CARMIL2: variants seen among roughly 807,000 people sequenced by gnomAD.
CARMIL2 encodes the protein capping protein regulator and myosin 1 linker 2.
CARMIL2 carries 96 observed loss-of-function variants against 173.3 expected under a neutral mutation model. That is an observed-to-expected ratio of 0.55 (90% confidence interval 0.47 to 0.66). The LOEUF (loss-of-function observed/expected upper bound fraction) is 0.66. Ranked by LOEUF, CARMIL2 falls within the 30% of genes least tolerant of loss-of-function variation. CARMIL2 has a pLI of 0.00. For synonymous variants in CARMIL2, 830 were observed against 817.1 expected, an observed-to-expected ratio of 1.02 and a Z score of -0.27; for missense variants, 1,771 against 1,906.7, an observed-to-expected ratio of 0.93 and a Z score of 1.33.
In CARMIL2 at chr16:67,649,136, A is replaced by G; in HGVS notation, c.1652A>G (p.His551Arg). 6.2e-7 allele frequency: 1 copy of G among 1,613,600 alleles called. No individual in the cohort carries two copies. Among genetic ancestry groups the G allele is most frequent in the Non-Finnish European group, 8.5e-7 (1 of 1,179,800 alleles). Residue 551 changes from histidine (H) to arginine (R), a missense_variant, in exon 18 of 38, where the codon CAT becomes CGT. This residue lies in a region of CARMIL2 where 944 missense variants were observed against 975.6 expected (regional missense o/e 0.97). Coordinates refer to ENST00000334583, the MANE Select transcript of CARMIL2 (RefSeq NM_001013838.3). The surrounding 1 kb of genome is among the most constrained non-coding windows in gnomAD (Gnocchi z 6.7). ...ATCGGGAGAAGCCGGTCCCTGAGAC[A>G]TGTGGCGCTTGGAAGGAACTTCAAC... Reference protein sequence around the residue: ...LAIGRSRSLRHVALGRNFNVR... With the variant: ...LAIGRSRSLRRVALGRNFNVR...
rs2142961590 is a variant in CARMIL2 at position 67,657,107 on chromosome 16, G to A, written c.4118-132G>A. 1 of 881,030 alleles carries A rather than the reference G, an allele frequency of 1.1e-6. No individual in the cohort carries two copies. Among genetic ancestry groups the A allele is most frequent in the Non-Finnish European group, 1.8e-6 (1 of 556,818 alleles). The allele number at this position is 881,030 out of a possible 1,614,324, so 54.6% of individuals were successfully genotyped here. ...CCTCTGCCAGGGGTGAGGACGCAGG[G>A]ACGGGGGATGCTCTGAAGGCAGCAG... is the stretch of plus-strand genomic sequence containing the variant. On this transcript the variant is annotated intron_variant, in intron 36 of 37. Transcript: ENST00000334583. This position sits in a 1 kb window ranked among gnomAD's most constrained non-coding sequence, Gnocchi z 4.5.
intron 35 of CARMIL2, 65 bp from the exon 36 acceptor site, chr16:67,656,736 G>A: frequency 6.4e-7 from 1 of 1,560,992 alleles, no homozygotes; most frequent in Admixed American, 1.9e-5. Context: ...GACCCTGAGG[G>A]TGGGAGGCAA....
Position 67,645,471 on chromosome 16 carries a change from GCA to G in CARMIL2, c.41-66_41-65del. 2.7e-6 allele frequency: 4 copies of G among 1,455,776 alleles called. No individual in the cohort carries two copies. The South Asian group carries it at 4.8e-5, about 18-fold the overall frequency. 90.2% of individuals were successfully genotyped at this position (1,455,776 alleles called of 1,614,324 possible). On this transcript the variant is annotated intron_variant, in intron 1 of 37. Transcript: ENST00000334583. The stretch of plus-strand genomic sequence containing the variant: ...AGATAAGCCCCAGGGCCCCAGCCTG[GCA>G]CAGACTGTGGGCACCAGTGGCTTCT...
Position 67,657,146 on chromosome 16 carries a change from A to G in CARMIL2, c.4118-93A>G. ...TGAAGGCAGCAGTGTGTGTGAGTGC[A>G]TGCTTATGTGCACTGGAGGTGGAAG... On this transcript the variant is annotated intron_variant, in intron 36 of 37. Coordinates refer to ENST00000334583, the MANE Select transcript of CARMIL2 (RefSeq NM_001013838.3). The surrounding 1 kb of genome is among the most constrained non-coding windows in gnomAD (Gnocchi z 4.5). 2.6e-6 allele frequency: 3 copies of G among 1,141,458 alleles called. No individual in the cohort carries two copies. Among genetic ancestry groups the G allele is most frequent in the East Asian group, 2.6e-5 (1 of 39,048 alleles). The allele number at this position is 1,141,458 out of a possible 1,614,324, so 70.7% of individuals were successfully genotyped here.
chr16:67,656,280 C>G lies in CARMIL2; in HGVS notation c.3795C>G (p.Arg1265=), dbSNP rs1261009333. Residue 1265 remains arginine, a synonymous_variant, in exon 34 of 38, where the codon CGC becomes CGG. Coordinates refer to ENST00000334583, the MANE Select transcript of CARMIL2 (RefSeq NM_001013838.3). ...CCCCTCCCATCTCGATCAAGTCCCGCACCCACTCTGTGTCTGCTGGTGAGT... is the reference window on the plus strand; with the variant it reads ...CCCCTCCCATCTCGATCAAGTCCCGGACCCACTCTGTGTCTGCTGGTGAGT... ...TEAPPISIKS[R]THSVSADPSC... 1.2e-6 allele frequency: 2 copies of G among 1,613,898 alleles called. No individual in the cohort carries two copies. The highest frequency in any genetic ancestry group is 1.7e-6 in the Non-Finnish European group (2 of 1,179,900).
In CARMIL2 at chr16:67,646,070, C is replaced by CA; in HGVS notation, c.240dup (p.Pro81ThrfsTer7). On this transcript the variant is annotated frameshift_variant, in exon 4 of 38. Transcript: ENST00000334583. LOFTEE classifies it high-confidence loss of function. This position sits in a 1 kb window ranked among gnomAD's most constrained non-coding sequence, Gnocchi z 4.6. ...GTCCAGGCCATGGCGCTGCAGGAGA[C>CA]ACCCCCTCAGGTGAGACACCTAGTA... 6.2e-7 allele frequency: 1 copy of CA among 1,613,792 alleles called. No individual in the cohort carries two copies. Among genetic ancestry groups the CA allele is most frequent in the Non-Finnish European group, 8.5e-7 (1 of 1,179,892 alleles).
chr16:67,655,991 A>G, intron 32 of CARMIL2, 40 bp from the exon 33 acceptor site: 3 of 1,562,450 alleles, frequency 1.9e-6, no homozygotes, highest in Non-Finnish European at 2.6e-6. Flanking sequence ...GGGTGTGGGG[A>G]GCGGGCAGGG....
At position 67,653,144 on chromosome 16, in the gene CARMIL2, C is replaced by G; in HGVS notation, c.3010C>G (p.Leu1004Val). Residue 1004 changes from leucine to valine, a missense_variant, in exon 29 of 38, where the codon CTG (leucine) becomes GTG (valine). Transcript: ENST00000334583. This position sits in a 1 kb window ranked among gnomAD's most constrained non-coding sequence, Gnocchi z 7.4. ...PAAPGPPAGP[L>V]PRMDLPLAGQ... ...CGCCCCTGGGCCCCCGGCCGGCCCG[C>G]TGCCCCGCATGGACCTGCCACTGGC... The G allele has an allele frequency of 9.0e-7, 1 of 1,117,288 alleles. No individual in the cohort carries two copies. The highest frequency in any genetic ancestry group is 1.1e-6 in the Non-Finnish European group (1 of 915,168). 69.2% of individuals were successfully genotyped at this position (1,117,288 alleles called of 1,614,324 possible).
rs183237557 is a variant in CARMIL2, at chr16:67,657,247, C to T, written c.4126C>T (p.Leu1376=). The T allele has an allele frequency of 5.4e-4, 865 of 1,613,764 alleles. 5 individuals are homozygous for T. The highest frequency in any genetic ancestry group is 5.2e-5 in the Non-Finnish European group (61 of 1,179,806). The change falls in exon 37 of 38, where the codon CTG becomes TTG. Residue 1376 remains leucine, a synonymous_variant. Transcript: ENST00000334583. The surrounding 1 kb of genome is among the most constrained non-coding windows in gnomAD (Gnocchi z 4.5). The part of the protein sequence containing the change: ...DQLQAPAERP[L]RLQRSPVLKR... ...CTTTCTGTGTCCCTTAGAACGGCCC[C>T]TGAGGCTGCAGCGCTCCCCCGTCCT...
Position 67,648,232 on chromosome 16 carries a change from C to A in CARMIL2, c.1252C>A (p.Pro418Thr), listed in dbSNP as rs750818480. 7 of 1,604,236 alleles carry A rather than the reference C, an allele frequency of 4.4e-6. No individual in the cohort carries two copies. Among genetic ancestry groups the A allele is most frequent in the East Asian group, 2.2e-5 (1 of 44,616 alleles). Residue 418 changes from proline to threonine, a missense_variant, in exon 14 of 38, where the codon CCG becomes ACG. Coordinates refer to ENST00000334583, the MANE Select transcript of CARMIL2 (RefSeq NM_001013838.3). The surrounding 1 kb of genome is among the most constrained non-coding windows in gnomAD (Gnocchi z 6.1). ...PPAGVANSLP[P>T]QLFAAVSRGC... ...CGCGGGTGTAGCCAACAGCCTCCCC[C>A]CGCAGCTCTTCGCAGCGGTATCCCG...
Position 67,652,547 on chromosome 16 carries a change from G to C in CARMIL2, c.2884+9G>C. On this transcript the variant is annotated intron_variant, in intron 28 of 37. Transcript: ENST00000334583. The surrounding 1 kb of genome is among the most constrained non-coding windows in gnomAD (Gnocchi z 4.7). Reference sequence around the variant, plus strand: ...GGTCCCCTTCATTCACAGTAAGTCAGGGCCTTGGGGGAGGGAGTTTACGTG... The same window carrying C: ...GGTCCCCTTCATTCACAGTAAGTCACGGCCTTGGGGGAGGGAGTTTACGTG... The C allele has an allele frequency of 1.2e-6, 2 of 1,612,908 alleles. No individual in the cohort carries two copies. The highest frequency in any genetic ancestry group is 1.7e-6 in the Non-Finnish European group (2 of 1,179,466).
chr16:67,650,294 C>A, intron 22 of CARMIL2, 144 bp downstream of exon 22: 4 of 659,190 alleles, frequency 6.1e-6, no homozygotes, highest in Non-Finnish European at 1.0e-5. Flanking sequence ...TCTCCTTGAT[C>A]TGGAGGCGGC....
intron 32 of CARMIL2, among the ~76,000 whole-genome samples, chr16:67,655,501 C>T (rs1391034222): frequency 2.6e-5 from 4 of 152,240 alleles, no homozygotes; most frequent in African/African-American, 9.6e-5. Context: ...GGGGCTTCCT[C>T]TCAAGACACT....
At position 67,654,133 on chromosome 16, in the gene CARMIL2, C is replaced by A; in HGVS notation, c.3121-16C>A. 6.5e-7 allele frequency: 1 copy of A among 1,527,936 alleles called. No homozygotes were observed. 94.6% of individuals were successfully genotyped at this position (1,527,936 alleles called of 1,614,324 possible). A position where few individuals can be genotyped will look rare whatever the true frequency, so the allele number is the denominator to read the frequency against. On this transcript the variant is annotated splice_polypyrimidine_tract_variant and intron_variant, in intron 29 of 37. Transcript: ENST00000334583. ...TTGCACTCAACCCTGACCCCTGACC[C>A]CATGATGCCCCCCAGGTACCCCCAG... is the stretch of plus-strand genomic sequence containing the variant.
At position 67,646,615 on chromosome 16, in the gene CARMIL2, C is replaced by T; in HGVS notation, c.466+98C>T. The T allele has an allele frequency of 6.4e-7, 1 of 1,566,092 alleles. No homozygotes were observed. The highest frequency in any genetic ancestry group is 8.8e-7 in the Non-Finnish European group (1 of 1,137,856). ...GGGCCCCAAACTGAACAGAGCCATTCAGGTCCCAGCCACCACCTAGTCTGT... is the reference window on the plus strand; with the variant it reads ...GGGCCCCAAACTGAACAGAGCCATTTAGGTCCCAGCCACCACCTAGTCTGT... On this transcript the variant is annotated intron_variant, in intron 6 of 37. Transcript: ENST00000334583. This position sits in a 1 kb window ranked among gnomAD's most constrained non-coding sequence, Gnocchi z 4.6.
chr16:67,650,986 A>G, intron 22 of CARMIL2: 1 of 557,384 alleles, frequency 1.8e-6, no homozygotes. Context: ...CTGGGCACTT[A>G]GGAAGTGTAT....
At chr16:67,655,997 C>A in intron 32 of CARMIL2, 34 bp from the exon 33 acceptor site, 1 of 1,567,634 alleles carries the variant, frequency 6.4e-7, no homozygotes, top group Non-Finnish European at 8.6e-7. Context: ...GGGGAGCGGG[C>A]AGGGCTGGAA....
Position 67,652,564 on chromosome 16 carries a change from GT to G in CARMIL2, c.2884+29del, listed in dbSNP as rs1567633660. ...GTAAGTCAGGGCCTTGGGGGAGGGA[GT>G]TTACGTGGGTGGGCTGAAGCTCCAT... On this transcript the variant is annotated intron_variant, in intron 28 of 37. Coordinates refer to ENST00000334583, the MANE Select transcript of CARMIL2 (RefSeq NM_001013838.3). This position sits in a 1 kb window ranked among gnomAD's most constrained non-coding sequence, Gnocchi z 4.7. 6.2e-7 allele frequency: 1 copy of G among 1,605,372 alleles called. No individual in the cohort carries two copies. Among genetic ancestry groups the G allele is most frequent in the Admixed American group, 1.7e-5 (1 of 59,824 alleles).
Position 67,649,605 on chromosome 16 carries a change from C to T in CARMIL2, c.1905C>T (p.Val635=), listed in dbSNP as rs370746243. ...GAKLLAKALR[V]NSRLRSVVWD... Reference sequence around the variant, plus strand: ...AGTTGCTGGCCAAGGCGCTGCGGGTCAACTCGAGGCTCCGGTGGGCGGGGT... The same window carrying T: ...AGTTGCTGGCCAAGGCGCTGCGGGTTAACTCGAGGCTCCGGTGGGCGGGGT... The change falls in exon 20 of 38, where the codon GTC becomes GTT. Residue 635 remains valine, a synonymous_variant. Transcript: ENST00000334583. The surrounding 1 kb of genome is among the most constrained non-coding windows in gnomAD (Gnocchi z 6.7). The T allele has an allele frequency of 4.0e-5, 63 of 1,563,016 alleles. No individual in the cohort carries two copies. The highest frequency in any genetic ancestry group is 5.1e-5 in the Non-Finnish European group (59 of 1,155,312).
Sources: gnomAD v4.1 joint callset for allele counts (sites outside exome capture counted in the v4.1 genomes callset) on GRCh38, gnomAD v4.1.1 for gene constraint, gnomAD v4.1.1 regional missense constraint, Gnocchi (gnomAD v3.1) non-coding constraint, MANE v1.5 for transcripts, NCBI Gene and HGNC (gene_info 2026-07-23, HGNC 2026-07-21) for gene names.